Variants in FBXL20 observed in about 807,000 individuals in gnomAD.
FBXL20 encodes the protein F-box and leucine rich repeat protein 20.
FBXL20 carries 11 observed loss-of-function variants against 64.0 expected under a neutral mutation model. The observed-to-expected ratio is 0.17, with a 90% CI of 0.11 to 0.28. The LOEUF (loss-of-function observed/expected upper bound fraction) is 0.28. FBXL20 is among the 10% of genes least tolerant of loss of function. The pLI, the probability that FBXL20 is intolerant of heterozygous loss-of-function variation, is 1.00. For missense variants in FBXL20, 303 were observed against 526.2 expected (o/e 0.58, Z 4.15); for synonymous variants, 184 against 189.0 (o/e 0.97, Z 0.22).
chr17:39,292,791 A>AT lies in FBXL20; in HGVS notation c.398+4335dup, dbSNP rs566595490. Among the ~76,000 whole-genome samples, 867 of 131,222 alleles carry AT rather than the reference A, an allele frequency of 6.6e-3. 4 individuals carry two copies. Among genetic ancestry groups the AT allele is most frequent in the South Asian group, 9.3e-3 (38 of 4,088 alleles). The allele number at this position is 131,222 out of a possible 152,430, so 86.1% of individuals were successfully genotyped here. A position where few individuals can be genotyped will look rare whatever the true frequency, so the allele number is the denominator to read the frequency against. ...CCCACTGCTTTGCATATGTCTTATA[A>AT]TTTTTTTTTTTTTTTTTGAGACTGA... is the stretch of plus-strand genomic sequence containing the variant. On this transcript the variant is annotated intron_variant, in intron 6 of 14. Transcript: ENST00000264658.
intron 1 of FBXL20, among the ~76,000 whole-genome samples, chr17:39,399,604 CAAG>C (rs1465182833): frequency 6.6e-6 from 1 of 152,104 alleles, no homozygotes; most frequent in Non-Finnish European, 1.5e-5. Context: ...TGAAACCGTC[CAAG>C]AAGGACTCCC....
chr17:39,284,355 T>G (rs781269421), intron 7 of FBXL20, among the ~76,000 whole-genome samples: 9 of 152,224 alleles, frequency 5.9e-5, no homozygotes, highest in Non-Finnish European at 1.0e-4. Context: ...AGCCACATTT[T>G]AGATTATTTA....
Position 39,257,350 on chromosome 17 carries a change from A to G in FBXL20, c.*4110T>C, listed in dbSNP as rs1364992646. On this transcript the variant is annotated 3_prime_UTR_variant, in exon 15 of 15. Coordinates refer to ENST00000264658, the MANE Select transcript of FBXL20 (RefSeq NM_032875.3). ...TAGTCTGGAAAGCCCAAAATGAAGC[A>G]TCATAAATTTACTAGGTTTCCCTAT... 1 of 152,248 alleles carries G rather than the reference A, an allele frequency of 6.6e-6. No homozygotes were observed. The highest frequency in any genetic ancestry group is 2.4e-5 in the African/African-American group (1 of 41,474). The allele number at this position is 152,248 out of a possible 1,614,324, so 9.4% of individuals were successfully genotyped here. A position where few individuals can be genotyped will look rare whatever the true frequency, so the allele number is the denominator to read the frequency against.
At chr17:39,330,291 T>G (rs2047448196) in intron 2 of FBXL20, among the ~76,000 whole-genome samples, 1 of 148,042 alleles carries the variant, frequency 6.8e-6, no homozygotes, top group Non-Finnish European at 1.5e-5. Context: ...AGCAAGACTC[T>G]GTCTCAAAAA....
chr17:39,282,884 T>C, intron 7 of FBXL20, 29 bp from the exon 8 acceptor site: 1 of 1,613,058 alleles, frequency 6.2e-7, no homozygotes, highest in Middle Eastern at 1.7e-4. Context: ...AAGAGAAACA[T>C]ATCACTAAAT....
intron 6 of FBXL20, among the ~76,000 whole-genome samples, chr17:39,291,528 G>C (rs2047039824): frequency 6.7e-6 from 1 of 150,232 alleles, no homozygotes; most frequent in African/African-American, 2.5e-5. Flanking sequence ...CTGCCTCCTG[G>C]GTTCAAGCGA....
chr17:39,376,183 G>A (rs748371824), intron 1 of FBXL20, among the ~76,000 whole-genome samples: 1 of 152,026 alleles, frequency 6.6e-6, no homozygotes, highest in African/African-American at 2.4e-5. Context: ...GAATGGAACA[G>A]ATCTGATTCC....
intron 11 of FBXL20, among the ~76,000 whole-genome samples, chr17:39,269,417 T>A (rs1476583653): frequency 6.6e-6 from 1 of 151,762 alleles, no homozygotes; most frequent in African/African-American, 2.4e-5. Context: ...ATGGTCTCGA[T>A]CTCCTGACCT....
In FBXL20 at chr17:39,385,987, G is replaced by A. The variant is rs71369751; in HGVS notation, c.42+15374C>T. Among the ~76,000 whole-genome samples, 844 of 132,718 alleles carry A rather than the reference G, an allele frequency of 6.4e-3. 13 individuals are homozygous for A. Among genetic ancestry groups the A allele is most frequent in the African/African-American group, 0.024 (808 of 33,350 alleles). The allele number at this position is 132,718 out of a possible 152,430, so 87.1% of individuals were successfully genotyped here. Reference sequence around the variant, plus strand: ...AGAGGTTGCAGTCAGCCAAGATCGCGCCACTGTACTCCAGCCTGACAACAG... The same window carrying A: ...AGAGGTTGCAGTCAGCCAAGATCGCACCACTGTACTCCAGCCTGACAACAG... On this transcript the variant is annotated intron_variant, in intron 1 of 14. Transcript: ENST00000264658.
upstream of FBXL20, chr17:39,401,919 C>G (rs1282477003): frequency 2.4e-6 from 1 of 417,102 alleles, no homozygotes; most frequent in African/African-American, 2.0e-5. Context: ...AAAAGGGGGT[C>G]TGTGGGGCGG....
chr17:39,253,551 A>C lies in FBXL20; in HGVS notation c.*7909T>G, dbSNP rs1178330907. ...GAGCCACACCATGGTGAGAAAGGAC[A>C]TGGGTAGCTTCTGAGGAGCATGGTC... On this transcript the variant is annotated 3_prime_UTR_variant, in exon 15 of 15. Transcript: ENST00000264658. 1 of 152,378 alleles carries C rather than the reference A, an allele frequency of 6.6e-6. No homozygotes were observed. The highest frequency in any genetic ancestry group is 2.1e-4 in the South Asian group (1 of 4,834). The allele number at this position is 152,378 out of a possible 1,614,324, so 9.4% of individuals were successfully genotyped here.
intron 1 of FBXL20, among the ~76,000 whole-genome samples, chr17:39,372,512 T>C (rs1384344798): frequency 4.8e-5 from 3 of 62,220 alleles, no homozygotes; most frequent in African/African-American, 3.0e-4. Context: ...AGCGAGACTC[T>C]GACCAAAAAA....
chr17:39,388,414 G>A (rs976105290), intron 1 of FBXL20, among the ~76,000 whole-genome samples: 4 of 151,470 alleles, frequency 2.6e-5, no homozygotes, highest in African/African-American at 9.7e-5. Flanking sequence ...AGCCAAGATC[G>A]CACTACTATG....
intron 14 of FBXL20, among the ~76,000 whole-genome samples, chr17:39,262,128 A>G (rs1303995767): frequency 1.3e-5 from 2 of 151,808 alleles, no homozygotes; most frequent in East Asian, 2.0e-4. Context: ...TTTGGTGAAG[A>G]AAAAAAATGG....
At chr17:39,333,429 A>G (rs550188222) in intron 2 of FBXL20, among the ~76,000 whole-genome samples, 22 of 152,264 alleles carry the variant, frequency 1.4e-4, no homozygotes, top group Non-Finnish European at 3.1e-4. Flanking sequence ...CTGCAGACAG[A>G]GTGTCGCTCA....
At chr17:39,401,786 G>A (rs2048248971), upstream of FBXL20, 2 of 967,440 alleles carry the variant, frequency 2.1e-6, no homozygotes. Context: ...TCCCCCACAC[G>A]GGGCCGGCCC....
intron 9 of FBXL20, among the ~76,000 whole-genome samples, chr17:39,279,428 G>C (rs1043224609): frequency 6.6e-6 from 1 of 151,272 alleles, no homozygotes; most frequent in East Asian, 1.9e-4. Context: ...GAGCCCTGTA[G>C]TTGGAGGTTG....
At chr17:39,344,153 TA>T (rs1567889400) in intron 1 of FBXL20, among the ~76,000 whole-genome samples, 1 of 152,044 alleles carries the variant, frequency 6.6e-6, no homozygotes, top group African/African-American at 2.4e-5. Context: ...TGAGCCACCA[TA>T]CCTGGCCAAC....
chr17:39,343,379 G>A, intron 1 of FBXL20, 138 bp from the exon 2 acceptor site: 3 of 539,024 alleles, frequency 5.6e-6, no homozygotes, highest in South Asian at 7.3e-5. Flanking sequence ...TCATAATTTT[G>A]GAAACTCTTT....
Sources: gnomAD v4.1 joint callset for allele counts (sites outside exome capture counted in the v4.1 genomes callset) on GRCh38, gnomAD v4.1.1 for gene constraint, MANE v1.5 for transcripts, NCBI Gene and HGNC (gene_info 2026-07-23, HGNC 2026-07-21) for gene names.